Variants in ASS1 observed in about 807,000 individuals in gnomAD.
ASS1 encodes the protein argininosuccinate synthase 1, also known as argininosuccinate synthase.
ASS1 carries 58 observed loss-of-function variants against 60.5 expected under a neutral mutation model. The ratio of observed to expected loss-of-function variants is 0.96; its 90% CI spans 0.78 to 1.19. The LOEUF is 1.19. ASS1 is among the 50% of genes most tolerant of loss of function. The pLI is 0.00. For synonymous variants in ASS1, 200 were observed against 206.9 expected, an observed-to-expected ratio of 0.97 and a Z score of 0.29; for missense variants, 454 against 547.3, an observed-to-expected ratio of 0.83 and a Z score of 1.70.
At chr9:130,499,434 GC>G in intron 13 of ASS1, 70 bp from the exon 14 acceptor site, 1 of 1,516,396 alleles carries the variant, frequency 6.6e-7, no homozygotes, top group South Asian at 1.2e-5. Context: ...GCTGCTTCTG[GC>G]CCCAGCAGTC....
rs566489391 is a variant in ASS1 at position 130,476,072 on chromosome 9, T to G, written c.598-799T>G. On this transcript the variant is annotated intron_variant, in intron 8 of 14. Coordinates refer to ENST00000352480, the MANE Select transcript of ASS1 (RefSeq NM_054012.4). This position sits in a 1 kb window ranked among gnomAD's most constrained non-coding sequence, Gnocchi z 4.9. ...CTGTGCCCAGCCGTCTGCAAGGTTTTTAAAGCAAAGATGAGACAGCAGTTC... is the reference window on the plus strand; with the variant it reads ...CTGTGCCCAGCCGTCTGCAAGGTTTGTAAAGCAAAGATGAGACAGCAGTTC... Among the ~76,000 whole-genome samples the G allele has an allele frequency of 6.6e-6, 1 of 152,258 alleles. No homozygotes were observed. Among genetic ancestry groups the G allele is most frequent in the East Asian group, 1.9e-4 (1 of 5,178 alleles).
At chr9:130,456,927 AAT>A (rs1845462758) in intron 3 of ASS1, among the ~76,000 whole-genome samples, 1 of 152,088 alleles carries the variant, frequency 6.6e-6, no homozygotes, top group Non-Finnish European at 1.5e-5. Flanking sequence ...ATCTCAAAAA[AAT>A]AAAAATTACT....
Position 130,489,276 on chromosome 9 carries a change from G to A in ASS1, c.839-57G>A. On this transcript the variant is annotated intron_variant, in intron 11 of 14. Transcript: ENST00000352480. The surrounding 1 kb of genome is among the most constrained non-coding windows in gnomAD (Gnocchi z 4.1). ...TTTTTTGTCATTTGCTGACAGTTTG[G>A]GTTTCATGCGTTTCTCTCTTTTTTC... 4.4e-6 allele frequency: 7 copies of A among 1,605,368 alleles called. No homozygotes were observed. Among genetic ancestry groups the A allele is most frequent in the Non-Finnish European group, 6.0e-6 (7 of 1,174,942 alleles).
At chr9:130,483,809 TCCTTC>T (rs139464227) in intron 11 of ASS1, among the ~76,000 whole-genome samples, 2 of 150,626 alleles carry the variant, frequency 1.3e-5, no homozygotes, top group Admixed American at 6.6e-5. Context: ...CCTTTCCTCC[TCCTTC>T]CCCTCTTCCC....
intron 1 of ASS1, among the ~76,000 whole-genome samples, chr9:130,446,005 T>C (rs1052977578): frequency 6.6e-6 from 1 of 152,128 alleles, no homozygotes; most frequent in African/African-American, 2.4e-5. Flanking sequence ...AAGCTTCCTT[T>C]TCATTTTCTT....
At chr9:130,445,242 G>T in intron 1 of ASS1, 1 of 960,968 alleles carries the variant, frequency 1.0e-6, no homozygotes, top group Non-Finnish European at 1.2e-6. Context: ...GAGTCCCCGG[G>T]GGCGCGAGTC....
chr9:130,498,658 ACACTGAGAGCTAAC>A (rs1318985418), intron 13 of ASS1, among the ~76,000 whole-genome samples: 1 of 152,208 alleles, frequency 6.6e-6, no homozygotes, highest in Non-Finnish European at 1.5e-5. Flanking sequence ...GCCAAATGTG[ACACTGAGAGCTAAC>A]CACCATCACG....
chr9:130,470,945 C>T lies in ASS1; in HGVS notation c.566+41C>T, dbSNP rs771455961. On this transcript the variant is annotated intron_variant, in intron 7 of 14. Transcript: ENST00000352480. This position sits in a 1 kb window ranked among gnomAD's most constrained non-coding sequence, Gnocchi z 4.3. ...CACCCATCCTTGGTCCTCCCGGGCT[C>T]ATTCCAAAGGACGGCCACGCGCTGC... The T allele has an allele frequency of 5.0e-6, 8 of 1,605,616 alleles. No homozygotes were observed. The highest frequency in any genetic ancestry group is 1.3e-5 in the African/African-American group (1 of 74,770).
At chr9:130,469,307 G>GT (rs1311313862) in intron 6 of ASS1, among the ~76,000 whole-genome samples, 6 of 152,126 alleles carry the variant, frequency 3.9e-5, no homozygotes, top group African/African-American at 9.7e-5. Flanking sequence ...GCTGTGTTTT[G>GT]TTTTTTTAAA....
At chr9:130,468,242 T>C (rs762039583) in intron 6 of ASS1, among the ~76,000 whole-genome samples, 5 of 152,080 alleles carry the variant, frequency 3.3e-5, no homozygotes, top group Non-Finnish European at 7.4e-5. Context: ...CAAAAATCAA[T>C]GGGGCTTTCA....
In ASS1 at chr9:130,445,198, G is replaced by C. The variant is rs543256406; in HGVS notation, c.-6+203G>C. 1,756 of 985,278 alleles carry C rather than the reference G, an allele frequency of 1.8e-3. 2 individuals carry two copies. Among genetic ancestry groups the C allele is most frequent in the Non-Finnish European group, 2.0e-3 (1,636 of 829,924 alleles). The allele number at this position is 985,278 out of a possible 1,614,324, so 61.0% of individuals were successfully genotyped here. ...CTCAAACGCCTGGCACCGGATTCCA[G>C]GTTTCTGGAGCGTGGGGGACGCGGC... On this transcript the variant is annotated intron_variant, in intron 1 of 14. Transcript: ENST00000352480.
chr9:130,471,843 G>C (rs1277853578), intron 8 of ASS1, among the ~76,000 whole-genome samples: 1 of 152,124 alleles, frequency 6.6e-6, no homozygotes, highest in African/African-American at 2.4e-5. Flanking sequence ...AGACACTTGG[G>C]GGAGGGCCCA....
chr9:130,495,472 T>TACACACACACAC lies in ASS1; in HGVS notation c.1127+467_1127+478dup, dbSNP rs71499245. On this transcript the variant is annotated intron_variant, in intron 13 of 14. Coordinates refer to ENST00000352480, the MANE Select transcript of ASS1 (RefSeq NM_054012.4). Reference sequence around the variant, plus strand: ...ATATATATATATATACACATACATATACACACACACACACACACACACACA... The same window carrying TACACACACACAC: ...ATATATATATATATACACATACATATACACACACACACACACACACACACACACACACACACA... 1.8e-3 allele frequency among the ~76,000 whole-genome samples: 266 copies of TACACACACACAC among 146,884 alleles called. 4 individuals carry two copies. The South Asian group carries it at 0.019, about 11-fold the overall frequency.
intron 8 of ASS1, among the ~76,000 whole-genome samples, chr9:130,472,285 A>G (rs897882905): frequency 4.6e-5 from 7 of 151,860 alleles, no homozygotes; most frequent in African/African-American, 7.3e-5. Context: ...GCTGGAGGGG[A>G]GGGTGCCCGG....
chr9:130,499,586 C>G lies in ASS1; in HGVS notation c.1193+16C>G, dbSNP rs1846690195. ...ATTCCCTCAGGTGAGAAGCTCAGGG[C>G]CCTGACGGGCCTTCAGAGCCTCCAG... On this transcript the variant is annotated intron_variant, in intron 14 of 14. Coordinates refer to ENST00000352480, the MANE Select transcript of ASS1 (RefSeq NM_054012.4). The G allele has an allele frequency of 1.2e-6, 2 of 1,609,868 alleles. No homozygotes were observed. Among genetic ancestry groups the G allele is most frequent in the African/African-American group, 2.7e-5 (2 of 74,858 alleles).
rs549420146 is a variant in ASS1 at position 130,497,500 on chromosome 9, A to G, written c.1128-2005A>G. 2.0e-5 allele frequency among the ~76,000 whole-genome samples: 3 copies of G among 152,238 alleles called. No individual in the cohort carries two copies. The East Asian group carries it at 5.8e-4, about 29-fold the overall frequency. On this transcript the variant is annotated intron_variant, in intron 13 of 14. Coordinates refer to ENST00000352480, the MANE Select transcript of ASS1 (RefSeq NM_054012.4). Reference sequence around the variant, plus strand: ...CCGTCAGGGGAGGTAAAAAAAAAAAAAGAAAAAAATCATTGTAAACTCTTT... The same window carrying G: ...CCGTCAGGGGAGGTAAAAAAAAAAAGAGAAAAAAATCATTGTAAACTCTTT...
chr9:130,454,166 C>T (rs1217307122), intron 2 of ASS1, 139 bp from the exon 3 acceptor site: 12 of 889,410 alleles, frequency 1.3e-5, no homozygotes, highest in Non-Finnish European at 2.2e-5. Flanking sequence ...GGGCTTTGTC[C>T]TTTTTCCTTC....
chr9:130,492,651 G>T (rs541534446), intron 12 of ASS1, among the ~76,000 whole-genome samples: 1 of 152,336 alleles, frequency 6.6e-6, no homozygotes, highest in East Asian at 1.9e-4. Context: ...CATCTAGGGG[G>T]TATAGCTCAC....
intron 8 of ASS1, among the ~76,000 whole-genome samples, chr9:130,472,276 C>T (rs772069025): frequency 1.1e-4 from 17 of 152,104 alleles, no homozygotes; most frequent in Admixed American, 2.6e-4. Flanking sequence ...AGAAGACCAG[C>T]TGGAGGGGAG....
Sources: gnomAD v4.1 joint callset for allele counts (sites outside exome capture counted in the v4.1 genomes callset) on GRCh38, gnomAD v4.1.1 for gene constraint, Gnocchi (gnomAD v3.1) non-coding constraint, MANE v1.5 for transcripts, NCBI Gene and HGNC (gene_info 2026-07-23, HGNC 2026-07-21) for gene names.